The following EPHA6 variants were observed in gnomAD, a reference collection of about 807,000 sequenced individuals.
EPHA6 encodes ephrin type-A receptor 6.
EPHA6 carries 50 observed loss-of-function variants against 112.0 expected under a neutral mutation model. The observed-to-expected ratio is 0.45, with a 90% CI of 0.36 to 0.56. EPHA6 has a LOEUF of 0.56. EPHA6 is among the 20% of genes least tolerant of loss of function. EPHA6 has a pLI of 0.00. For missense variants in EPHA6, 1,280 were observed against 1,417.4 expected (o/e 0.90, Z 1.56); for synonymous variants, 529 against 490.7 (o/e 1.08, Z -1.03).
intron 11 of EPHA6, among the ~76,000 whole-genome samples, chr3:97,581,604 A>G (rs538788740): frequency 5.3e-5 from 8 of 152,354 alleles, no homozygotes; most frequent in African/African-American, 1.9e-4. Flanking sequence ...GGCACTTTAT[A>G]AACACTATTT....
chr3:97,562,788 GTTGTCTTATTTTCAGAA>G (rs2093209770), intron 11 of EPHA6, among the ~76,000 whole-genome samples: 1 of 152,062 alleles, frequency 6.6e-6, no homozygotes, highest in Non-Finnish European at 1.5e-5. Flanking sequence ...TAGCTTTATT[GTTGTCTTATTTTCAGAA>G]ATTGCCACAG....
intron 3 of EPHA6, among the ~76,000 whole-genome samples, chr3:97,060,087 C>T (rs996058789): frequency 2.0e-5 from 3 of 152,170 alleles, no homozygotes; most frequent in African/African-American, 7.2e-5. Context: ...CACCATTGCA[C>T]TCAAGCCTGG....
At chr3:97,340,633 C>A (rs1020901900) in intron 5 of EPHA6, among the ~76,000 whole-genome samples, 1 of 152,142 alleles carries the variant, frequency 6.6e-6, no homozygotes, top group African/African-American at 2.4e-5. Flanking sequence ...CATTTAATTT[C>A]CCCCAATCCT....
At chr3:97,098,348 C>T (rs2047305457) in intron 3 of EPHA6, among the ~76,000 whole-genome samples, 1 of 151,782 alleles carries the variant, frequency 6.6e-6, no homozygotes, top group East Asian at 1.9e-4. Context: ...ATTTCCAGGA[C>T]TATTGGAAGT....
At chr3:97,525,737 G>T (rs2092609318) in intron 10 of EPHA6, among the ~76,000 whole-genome samples, 1 of 152,148 alleles carries the variant, frequency 6.6e-6, no homozygotes, top group Admixed American at 6.5e-5. Context: ...CTGATACTGG[G>T]TCTACAGTGG....
At chr3:97,287,490 C>CA (rs1217178328) in intron 5 of EPHA6, among the ~76,000 whole-genome samples, 55 of 150,702 alleles carry the variant, frequency 3.6e-4, no homozygotes, top group Admixed American at 9.2e-4. Context: ...ACAAACAAAA[C>CA]AAAAAAAAAC....
intron 2 of EPHA6, among the ~76,000 whole-genome samples, chr3:96,871,935 C>T (rs16836730): frequency 0.013 from 2,005 of 152,102 alleles, 47 homozygotes; most frequent in African/African-American, 0.044. Context: ...GATGCTGAAT[C>T]GAATTAACCA....
intron 14 of EPHA6, among the ~76,000 whole-genome samples, chr3:97,673,261 G>T (rs2031030040): frequency 6.6e-6 from 1 of 152,172 alleles, no homozygotes; most frequent in Admixed American, 6.6e-5. Flanking sequence ...AGAGTTTAAA[G>T]AAGGAAGGCA....
At chr3:97,237,605 A>C (rs2078718635) in intron 4 of EPHA6, among the ~76,000 whole-genome samples, 1 of 152,034 alleles carries the variant, frequency 6.6e-6, no homozygotes, top group South Asian at 2.1e-4. Context: ...CATTATCAAG[A>C]AATCATTCAT....
intron 14 of EPHA6, among the ~76,000 whole-genome samples, chr3:97,706,813 G>A (rs2033702580): frequency 6.7e-6 from 1 of 148,476 alleles, no homozygotes; most frequent in Non-Finnish European, 1.5e-5. Context: ...GCTGCCAATT[G>A]AATCTGGTAC....
At chr3:97,716,303 T>C (rs2107779366) in intron 14 of EPHA6, among the ~76,000 whole-genome samples, 1 of 145,910 alleles carries the variant, frequency 6.9e-6, no homozygotes, top group Middle Eastern at 3.5e-3. Flanking sequence ...GCGCGGTGGC[T>C]CACGCCTGTA....
chr3:96,919,362 C>T (rs765725839), intron 2 of EPHA6, among the ~76,000 whole-genome samples: 32 of 151,748 alleles, frequency 2.1e-4, no homozygotes, highest in Non-Finnish European at 3.7e-4. Flanking sequence ...TAAATGTACA[C>T]ACATATACAT....
intron 14 of EPHA6, among the ~76,000 whole-genome samples, chr3:97,701,852 T>A (rs75856300): frequency 0.013 from 1,906 of 152,238 alleles, 42 homozygotes; most frequent in African/African-American, 0.043. Flanking sequence ...TCATGGGTGA[T>A]AGGAACAATG....
intron 11 of EPHA6, among the ~76,000 whole-genome samples, chr3:97,552,629 C>A (rs922205426): frequency 1.3e-5 from 2 of 152,102 alleles, no homozygotes; most frequent in Non-Finnish European, 2.9e-5. Context: ...CAGTTTAGAA[C>A]CTTGATAAGC....
chr3:97,566,897 AC>A (rs2093274481), intron 11 of EPHA6, among the ~76,000 whole-genome samples: 1 of 152,108 alleles, frequency 6.6e-6, no homozygotes, highest in Non-Finnish European at 1.5e-5. Context: ...CTAGAATTGA[AC>A]CTTATTGGCC....
chr3:96,905,821 C>A (rs1326737453), intron 2 of EPHA6, among the ~76,000 whole-genome samples: 1 of 151,772 alleles, frequency 6.6e-6, no homozygotes, highest in African/African-American at 2.4e-5. Flanking sequence ...AACTTGTTGG[C>A]TATAAGAATA....
At position 97,390,526 on chromosome 3, in the gene EPHA6, A is replaced by C. The variant is rs566023261; in HGVS notation, c.1607-14624A>C. Among the ~76,000 whole-genome samples, 16 of 151,860 alleles carry C rather than the reference A, an allele frequency of 1.1e-4. No homozygotes were observed. The South Asian group carries it at 3.3e-3, about 31-fold the overall frequency. On this transcript the variant is annotated intron_variant, in intron 5 of 17. Transcript: ENST00000389672. ...TTTAAACTATTTTCATAAATTATGAATAATATAATTATTCATACACACACA... is the reference window on the plus strand; with the variant it reads ...TTTAAACTATTTTCATAAATTATGACTAATATAATTATTCATACACACACA...
At chr3:97,005,653 G>A (rs1234118001) in intron 3 of EPHA6, among the ~76,000 whole-genome samples, 2 of 152,062 alleles carry the variant, frequency 1.3e-5, no homozygotes, top group Non-Finnish European at 2.9e-5. Flanking sequence ...CCAATACTAT[G>A]TTGAATAGGC....
chr3:97,154,179 A>T (rs532142309), intron 3 of EPHA6, among the ~76,000 whole-genome samples: 1 of 151,788 alleles, frequency 6.6e-6, no homozygotes, highest in East Asian at 1.9e-4. Flanking sequence ...AAAAAAAAAA[A>T]AATATCAGTC....
Sources: allele counts gnomAD v4.1 joint callset (sites outside exome capture counted in the v4.1 genomes callset), GRCh38; gene constraint gnomAD v4.1.1; transcripts MANE v1.5; gene names NCBI Gene and HGNC (gene_info 2026-07-23, HGNC 2026-07-21).